Variants in NFKB1 observed in about 807,000 individuals in gnomAD.
NFKB1 encodes the protein nuclear factor kappa B subunit 1.
In NFKB1, 9 loss-of-function variants were observed where a neutral mutation model predicts 105.1. That is an observed-to-expected ratio of 0.09 (90% confidence interval 0.05 to 0.15). The LOEUF (loss-of-function observed/expected upper bound fraction) is 0.15. Ranked by LOEUF, NFKB1 falls within the 10% of genes least tolerant of loss-of-function variation. NFKB1 has a pLI of 1.00. For synonymous variants in NFKB1, 440 were observed against 442.2 expected, an observed-to-expected ratio of 1.00 and a Z score of 0.06; for missense variants, 830 against 1,203.7, an observed-to-expected ratio of 0.69 and a Z score of 4.59.
chr4:102,608,195 G>A (rs771589778), intron 19 of NFKB1, among the ~76,000 whole-genome samples: 2 of 152,100 alleles, frequency 1.3e-5, no homozygotes, highest in Non-Finnish European at 2.9e-5. Flanking sequence ...AAAGAAAATG[G>A]GCCATGTATT....
rs1218498420 is a variant in NFKB1, at chr4:102,610,698, A to C, written c.2351A>C (p.Gln784Pro). ...TTPLDMATSW[Q>P]VFDILNGKPY... The stretch of plus-strand genomic sequence containing the variant: ...CCTCTAGATATGGCCACCAGCTGGC[A>C]GGTGAGTGCCGCTCCATCTGTCTGA... Residue 784 changes from glutamine (Q) to proline (P), a missense_variant and splice_region_variant, in exon 20 of 24, where the codon CAG (glutamine) becomes CCG (proline). By Grantham distance (76) the Gln-to-Pro change is moderately conservative. This residue lies in a region of NFKB1 where 418 missense variants were observed against 575.3 expected (regional missense o/e 0.73). Coordinates refer to ENST00000226574, the MANE Select transcript of NFKB1 (RefSeq NM_003998.4). 2 of 1,613,728 alleles carry C rather than the reference A, an allele frequency of 1.2e-6. No individual in the cohort carries two copies. The highest frequency in any genetic ancestry group is 2.7e-5 in the African/African-American group (2 of 74,926).
intron 23 of NFKB1, among the ~76,000 whole-genome samples, chr4:102,615,124 A>T (rs1218001425): frequency 6.6e-6 from 1 of 152,172 alleles, no homozygotes; most frequent in African/African-American, 2.4e-5. Context: ...CTTCTAAAAA[A>T]TCAGTGACAT....
At chr4:102,563,875 G>T (rs1388631839) in intron 5 of NFKB1, among the ~76,000 whole-genome samples, 1 of 150,930 alleles carries the variant, frequency 6.6e-6, no homozygotes, top group Admixed American at 6.6e-5. Context: ...GGCTGGAGGG[G>T]CAGTGTCTTG....
At chr4:102,587,159 AGAG>A (rs1205917929) in intron 11 of NFKB1, among the ~76,000 whole-genome samples, 1 of 152,204 alleles carries the variant, frequency 6.6e-6, no homozygotes. Flanking sequence ...CGGCCTTCCG[AGAG>A]GCTGTCCCAC....
At chr4:102,511,502 C>G (rs1337057417) in intron 1 of NFKB1, among the ~76,000 whole-genome samples, 1 of 151,938 alleles carries the variant, frequency 6.6e-6, no homozygotes, top group African/African-American at 2.4e-5. Flanking sequence ...TAGCGAGACC[C>G]CAGTCTCTAC....
chr4:102,509,041 G>A (rs1739608398), intron 1 of NFKB1, among the ~76,000 whole-genome samples: 1 of 152,086 alleles, frequency 6.6e-6, no homozygotes, highest in Non-Finnish European at 1.5e-5. Flanking sequence ...TTGCTAAACT[G>A]GTAAGAATGG....
chr4:102,572,082 C>T (rs1344826808), intron 6 of NFKB1, among the ~76,000 whole-genome samples: 1 of 152,136 alleles, frequency 6.6e-6, no homozygotes, highest in Non-Finnish European at 1.5e-5. Flanking sequence ...TTGGAACCAA[C>T]CCAAATGTCC....
chr4:102,525,408 T>C (rs977502514), intron 1 of NFKB1, 104 bp from the exon 2 acceptor site: 1 of 1,034,342 alleles, frequency 9.7e-7, no homozygotes, highest in Non-Finnish European at 1.4e-6. Context: ...ATATTTGGTC[T>C]TACTGGTATA....
At chr4:102,611,467 C>A (rs140444478) in intron 20 of NFKB1, among the ~76,000 whole-genome samples, 1 of 152,254 alleles carries the variant, frequency 6.6e-6, no homozygotes, top group Admixed American at 6.5e-5. Flanking sequence ...CAGCCAGCAA[C>A]AGAGTGACTG....
At position 102,613,448 on chromosome 4, in the gene NFKB1, G is replaced by A; in HGVS notation, c.2616G>A (p.Glu872=). The A allele has an allele frequency of 1.9e-6, 3 of 1,613,968 alleles. No homozygotes were observed. The highest frequency in any genetic ancestry group is 2.5e-6 in the Non-Finnish European group (3 of 1,179,974). The change falls in exon 23 of 24, where the codon GAG becomes GAA. Residue 872 remains glutamate, a synonymous_variant. Coordinates refer to ENST00000226574, the MANE Select transcript of NFKB1 (RefSeq NM_003998.4). Reference sequence around the variant, plus strand: ...AGGTCTCTGGGGGTACAGTCAGAGAGCTGGTGGAGGCCCTGAGACAAATGG... The same window carrying A: ...AGGTCTCTGGGGGTACAGTCAGAGAACTGGTGGAGGCCCTGAGACAAATGG... The part of the protein sequence containing the change: ...NYEVSGGTVR[E]LVEALRQMGY...
chr4:102,502,747 A>G (rs1485161854), intron 1 of NFKB1, among the ~76,000 whole-genome samples: 1 of 152,178 alleles, frequency 6.6e-6, no homozygotes, highest in African/African-American at 2.4e-5. Flanking sequence ...ATGTTCATGG[A>G]CTTTGTTAAG....
intron 1 of NFKB1, among the ~76,000 whole-genome samples, chr4:102,524,960 C>A (rs1740812563): frequency 6.6e-6 from 1 of 152,166 alleles, no homozygotes; most frequent in South Asian, 2.1e-4. Flanking sequence ...TTATCCATAG[C>A]CCAGGGTTTG....
At chr4:102,599,183 A>G (rs995483319) in intron 15 of NFKB1, among the ~76,000 whole-genome samples, 4 of 152,140 alleles carry the variant, frequency 2.6e-5, no homozygotes, top group South Asian at 4.2e-4. Context: ...GCACATGGAA[A>G]TTTTCGAGCA....
intron 11 of NFKB1, among the ~76,000 whole-genome samples, chr4:102,591,741 T>G (rs1238423548): frequency 6.6e-6 from 1 of 152,234 alleles, no homozygotes; most frequent in African/African-American, 2.4e-5. Context: ...GAAGGAGATC[T>G]TTTCATGGCT....
At chr4:102,525,434 G>T in intron 1 of NFKB1, 78 bp from the exon 2 acceptor site, 1 of 1,376,656 alleles carries the variant, frequency 7.3e-7, no homozygotes, top group Non-Finnish European at 1.0e-6. Flanking sequence ...GTTTATTCCT[G>T]CATGAATTCC....
chr4:102,575,438 ATTTT>A (rs199796867), intron 6 of NFKB1, among the ~76,000 whole-genome samples: 3 of 148,872 alleles, frequency 2.0e-5, no homozygotes, highest in African/African-American at 7.4e-5. Flanking sequence ...TCCTCTACTA[ATTTT>A]TTTTTTCTTT....
At chr4:102,595,829 A>C (rs1018695137) in intron 13 of NFKB1, among the ~76,000 whole-genome samples, 7 of 152,222 alleles carry the variant, frequency 4.6e-5, no homozygotes, top group African/African-American at 1.7e-4. Context: ...TGTTTTCAAG[A>C]ACTTTAAAAA....
chr4:102,528,024 G>C (rs1741037448), intron 2 of NFKB1, among the ~76,000 whole-genome samples: 1 of 152,066 alleles, frequency 6.6e-6, no homozygotes, highest in African/African-American at 2.4e-5. Flanking sequence ...GCTTGAGCTT[G>C]GTGGTTTATA....
At chr4:102,608,408 G>A (rs1728027273) in intron 19 of NFKB1, among the ~76,000 whole-genome samples, 1 of 152,192 alleles carries the variant, frequency 6.6e-6, no homozygotes, top group African/African-American at 2.4e-5. Flanking sequence ...TCCAGTAAGT[G>A]ACAGAGCTAT....
Sources: allele counts gnomAD v4.1 joint callset (sites outside exome capture counted in the v4.1 genomes callset), GRCh38; gene constraint gnomAD v4.1.1; regional missense constraint gnomAD v4.1.1; transcripts MANE v1.5; gene names NCBI Gene and HGNC (gene_info 2026-07-23, HGNC 2026-07-21).